LPP: variants seen among roughly 807,000 people sequenced by gnomAD.
LPP encodes the protein LIM domain containing preferred translocation partner in lipoma.
In LPP, 38 loss-of-function variants were observed where a neutral mutation model predicts 60.4. The observed-to-expected ratio is 0.63, with a 90% CI of 0.49 to 0.83. LPP has a LOEUF of 0.83. Ranked by LOEUF, LPP falls within the 40% of genes least tolerant of loss-of-function variation. The pLI is 0.00. For missense variants in LPP, 902 were observed against 783.6 expected, an observed-to-expected ratio of 1.15 and a Z score of -1.80; for synonymous variants, 328 against 290.8, an observed-to-expected ratio of 1.13 and a Z score of -1.30.
intron 9 of LPP, among the ~76,000 whole-genome samples, chr3:188,766,378 C>CAAAAAAAAAAAAAAAAAAAAAAAA (rs142374028): frequency 4.0e-5 from 5 of 124,666 alleles, no homozygotes; most frequent in South Asian, 3.6e-4. Context: ...CCTTAAAAAG[C>CAAAAAAAAAAAAAAAAAAAAAAAA]AAAAAAAAAA....
At chr3:188,540,595 G>A (rs1411566298) in intron 6 of LPP, among the ~76,000 whole-genome samples, 1 of 152,128 alleles carries the variant, frequency 6.6e-6, no homozygotes, top group African/African-American at 2.4e-5. Context: ...TAAACATTTT[G>A]TGCCTCAGTT....
At chr3:188,327,551 G>A (rs1004685315) in intron 2 of LPP, among the ~76,000 whole-genome samples, 1 of 152,204 alleles carries the variant, frequency 6.6e-6, no homozygotes, top group African/African-American at 2.4e-5. Context: ...AGTGGAGTCT[G>A]AATTCTGATA....
intron 1 of LPP, among the ~76,000 whole-genome samples, chr3:188,181,121 G>A (rs1276114036): frequency 1.3e-5 from 2 of 152,054 alleles, no homozygotes; most frequent in Non-Finnish European, 1.5e-5. Flanking sequence ...TTTGGAGGCC[G>A]AGGTGGGCGG....
At position 188,408,895 on chromosome 3, in the gene LPP, T is replaced by C. The variant is rs200349107; in HGVS notation, c.193+2582T>C. Among the ~76,000 whole-genome samples the C allele has an allele frequency of 5.3e-5, 8 of 152,278 alleles. No individual in the cohort carries two copies. In the East Asian group the frequency reaches 9.6e-4, roughly 18 times the overall value. On this transcript the variant is annotated intron_variant, in intron 4 of 11. Coordinates refer to ENST00000617246, the MANE Select transcript of LPP (RefSeq NM_001375462.1). ...CCTGTCCTTCTATTCACAGCACATG[T>C]GGCAGCAAACCCCATATTACAGTGA... is the stretch of plus-strand genomic sequence containing the variant.
At chr3:188,548,654 A>G (rs1827287252) in intron 6 of LPP, among the ~76,000 whole-genome samples, 2 of 152,204 alleles carry the variant, frequency 1.3e-5, no homozygotes. Context: ...GATGAAGAAG[A>G]GGAAAGAGAA....
rs78622796 is a variant in LPP, at chr3:188,221,394, C to T, written c.-189-4011C>T. Among the ~76,000 whole-genome samples the T allele has an allele frequency of 6.7e-4, 102 of 152,248 alleles. 3 individuals carry two copies. The East Asian group carries it at 0.017, about 25-fold the overall frequency. Reference sequence around the variant, plus strand: ...CAGTGTGTCCCCCATTGAGGCTCTTCGACACCCCTAGGCATGTCCAACTCA... The same window carrying T: ...CAGTGTGTCCCCCATTGAGGCTCTTTGACACCCCTAGGCATGTCCAACTCA... On this transcript the variant is annotated intron_variant, in intron 1 of 11. Coordinates refer to ENST00000617246, the MANE Select transcript of LPP (RefSeq NM_001375462.1).
intron 2 of LPP, among the ~76,000 whole-genome samples, chr3:188,285,628 C>T (rs1743663806): frequency 6.6e-6 from 1 of 152,144 alleles, no homozygotes; most frequent in African/African-American, 2.4e-5. Flanking sequence ...CTTTGAATTC[C>T]TAAGCTCAAG....
At chr3:188,163,451 G>A (rs927738283) in intron 1 of LPP, among the ~76,000 whole-genome samples, 2 of 152,306 alleles carry the variant, frequency 1.3e-5, no homozygotes, top group East Asian at 1.9e-4. Context: ...AACTTGCAGA[G>A]GACTTCAGTG....
rs1491111905 is a variant in LPP, at chr3:188,250,783, T to TG, written c.-67+25256_-67+25257insG. Reference sequence around the variant, plus strand: ...CTTTCTTTCTTTCTTTCTTTCTTTCTTTCTGTCTTTCTCTTTCTTTCTTTC... The same window carrying TG: ...CTTTCTTTCTTTCTTTCTTTCTTTCTGTTCTGTCTTTCTCTTTCTTTCTTTC... On this transcript the variant is annotated intron_variant, in intron 2 of 11. Transcript: ENST00000617246. Among the ~76,000 whole-genome samples, 112 of 111,780 alleles carry TG rather than the reference T, an allele frequency of 1.0e-3. 3 individuals are homozygous for TG. The highest frequency in any genetic ancestry group is 3.5e-3 in the African/African-American group (76 of 21,890). 73.3% of individuals were successfully genotyped at this position (111,780 alleles called of 152,430 possible).
At chr3:188,382,899 T>C (rs1032179572) in intron 3 of LPP, among the ~76,000 whole-genome samples, 3 of 152,192 alleles carry the variant, frequency 2.0e-5, no homozygotes, top group African/African-American at 7.2e-5. Flanking sequence ...GAGGTGGATG[T>C]CTCCTGAAGT....
At chr3:188,697,627 A>G (rs1458482512) in intron 7 of LPP, among the ~76,000 whole-genome samples, 2 of 152,220 alleles carry the variant, frequency 1.3e-5, no homozygotes, top group Non-Finnish European at 2.9e-5. Context: ...CCCATGTTTT[A>G]TAAAGTATGT....
At chr3:188,362,620 T>C (rs1769817928) in intron 3 of LPP, among the ~76,000 whole-genome samples, 1 of 152,188 alleles carries the variant, frequency 6.6e-6, no homozygotes, top group African/African-American at 2.4e-5. Flanking sequence ...GTGTTTACAA[T>C]ATGAACACAC....
intron 2 of LPP, among the ~76,000 whole-genome samples, chr3:188,305,024 T>C: frequency 6.6e-6 from 1 of 152,206 alleles, no homozygotes; most frequent in African/African-American, 2.4e-5. Flanking sequence ...GCTTGCACAT[T>C]TCTCTCAATT....
At chr3:188,681,104 C>T (rs1375678883) in intron 7 of LPP, among the ~76,000 whole-genome samples, 3 of 149,074 alleles carry the variant, frequency 2.0e-5, no homozygotes, top group Non-Finnish European at 4.4e-5. Flanking sequence ...TCAAGTGATT[C>T]TCCTGCCTCA....
chr3:188,500,012 A>C (rs144638225), intron 5 of LPP, among the ~76,000 whole-genome samples: 1 of 152,182 alleles, frequency 6.6e-6, no homozygotes, highest in Non-Finnish European at 1.5e-5. Flanking sequence ...TTTGTGTCCA[A>C]TCTTTAGGGT....
chr3:188,547,937 G>C (rs1317952803), intron 6 of LPP, among the ~76,000 whole-genome samples: 1 of 152,274 alleles, frequency 6.6e-6, no homozygotes, highest in South Asian at 2.1e-4. Flanking sequence ...TTCATGTCTA[G>C]TGTTGTGAAA....
chr3:188,592,560 T>TTTTTTTTTTTTTTTTTTTTTTTG (rs1839069731), intron 6 of LPP, among the ~76,000 whole-genome samples: 2 of 133,572 alleles, frequency 1.5e-5, no homozygotes, highest in African/African-American at 2.7e-5. Flanking sequence ...TGTTTTTGTT[T>TTTTTTTTTTTTTTTTTTTTTTTG]TTTAAATGGA....
intron 9 of LPP, among the ~76,000 whole-genome samples, chr3:188,821,671 T>C (rs1028463183): frequency 1.3e-5 from 2 of 152,110 alleles, no homozygotes. Flanking sequence ...TGCTTATATA[T>C]ATATGGCATA....
chr3:188,453,219 C>G (rs1162982449), intron 4 of LPP, among the ~76,000 whole-genome samples: 3 of 152,136 alleles, frequency 2.0e-5, no homozygotes, highest in Non-Finnish European at 4.4e-5. Context: ...CATCGTGCCC[C>G]CTTGATTCCT....
Sources: allele counts gnomAD v4.1 joint callset (sites outside exome capture counted in the v4.1 genomes callset), GRCh38; gene constraint gnomAD v4.1.1; transcripts MANE v1.5; gene names NCBI Gene and HGNC (gene_info 2026-07-23, HGNC 2026-07-21).